The following KCNIP1 variants were observed in gnomAD, a reference collection of about 807,000 sequenced individuals.
KCNIP1 encodes A-type potassium channel modulatory protein KCNIP1.
A neutral mutation model predicts 33.0 loss-of-function variants in KCNIP1; 18 were observed. That is an observed-to-expected ratio of 0.55 (90% CI 0.38 to 0.81). The LOEUF is 0.81. Among genes scored for constraint, KCNIP1 ranks in the 30% least tolerant of loss-of-function variants. The pLI is 0.00. For missense variants in KCNIP1, 238 were observed against 271.6 expected (o/e 0.88, Z 0.87); for synonymous variants, 93 against 98.3 (o/e 0.95, Z 0.32).
At chr5:170,525,849 G>A (rs575052764) in intron 1 of KCNIP1, among the ~76,000 whole-genome samples, 11 of 152,292 alleles carry the variant, frequency 7.2e-5, no homozygotes, top group East Asian at 3.9e-4. Flanking sequence ...GTGTTAGTTC[G>A]GGTCATGTTA....
intron 1 of KCNIP1, among the ~76,000 whole-genome samples, chr5:170,682,784 C>CTGTTTTTTTT (rs1762396220): frequency 1.4e-5 from 1 of 71,404 alleles, no homozygotes; most frequent in Non-Finnish European, 2.4e-5. Context: ...TTCTTTGTTT[C>CTGTTTTTTTT]TTTTTTTTTT....
chr5:170,382,914 A>G lies in KCNIP1; in HGVS notation c.88+28950A>G, dbSNP rs556267168. The G allele has an allele frequency of 3.2e-4, 49 of 152,822 alleles. No individual in the cohort carries two copies. The South Asian group carries it at 3.3e-3, about 10-fold the overall frequency. The allele number at this position is 152,822 out of a possible 1,614,324, so 9.5% of individuals were successfully genotyped here. On this transcript the variant is annotated intron_variant, in intron 1 of 7. Transcript: ENST00000377360. ...GAGGTGCTCAATGGCTGTTGAATAA[A>G]TAAATGAGAGGAGGAAAGAAGGAAA...
intron 1 of KCNIP1, among the ~76,000 whole-genome samples, chr5:170,520,795 C>T (rs978394470): frequency 5.3e-5 from 8 of 152,204 alleles, no homozygotes; most frequent in African/African-American, 1.7e-4. Flanking sequence ...TCAACCCAGA[C>T]ACCACTTCCT....
At chr5:170,392,068 C>T (rs1016862558) in intron 1 of KCNIP1, among the ~76,000 whole-genome samples, 61 of 152,176 alleles carry the variant, frequency 4.0e-4, no homozygotes, top group African/African-American at 1.4e-3. Context: ...TAGACGGGGG[C>T]TCGAGTTCCC....
intron 1 of KCNIP1, among the ~76,000 whole-genome samples, chr5:170,706,543 T>C (rs1763262185): frequency 1.3e-5 from 2 of 152,206 alleles, no homozygotes; most frequent in African/African-American, 2.4e-5. Flanking sequence ...AACCATCACT[T>C]AGCAAGTTCC....
chr5:170,429,549 A>G (rs192597076), intron 1 of KCNIP1, among the ~76,000 whole-genome samples: 25 of 152,204 alleles, frequency 1.6e-4, no homozygotes, highest in East Asian at 7.7e-4. Flanking sequence ...CAGGGCTTTT[A>G]GGGTATCCGT....
Position 170,718,848 on chromosome 5 carries a change from G to A in KCNIP1, c.152G>A (p.Arg51Lys). The A allele has an allele frequency of 6.2e-7, 1 of 1,610,540 alleles. No individual in the cohort carries two copies. The highest frequency in any genetic ancestry group is 1.1e-5 in the South Asian group (1 of 90,646). ...QLEAQTNFTK[R>K]ELQVLYRGFK... The stretch of plus-strand genomic sequence containing the variant: ...GAGGCCCAGACCAACTTCACCAAGA[G>A]GGAGCTGCAGGTCCTTTATCGAGGC... The change falls in exon 2 of 8, where the codon AGG becomes AAG. Residue 51 changes from arginine (R) to lysine (K), a missense_variant. Physicochemically the swap from Arg to Lys is conservative, Grantham distance 26 (BLOSUM62 2). Transcript: ENST00000328939.
chr5:170,652,563 T>A (rs1001236003), intron 1 of KCNIP1, among the ~76,000 whole-genome samples: 2 of 151,160 alleles, frequency 1.3e-5, no homozygotes, highest in African/African-American at 4.9e-5. Context: ...AAAAATGACC[T>A]GAAGTCACTG....
intron 1 of KCNIP1, among the ~76,000 whole-genome samples, chr5:170,497,777 C>CCA (rs373958432): frequency 1.3e-5 from 2 of 152,228 alleles, no homozygotes; most frequent in African/African-American, 2.4e-5. Context: ...CCCCGCCTCA[C>CCA]CACACACACA....
At chr5:170,500,477 C>T (rs1447125449), upstream of KCNIP1, among the ~76,000 whole-genome samples, 2 of 151,714 alleles carry the variant, frequency 1.3e-5, no homozygotes, top group African/African-American at 4.9e-5. Flanking sequence ...ATGGGAGGGA[C>T]AACAGGACAA....
At chr5:170,398,010 T>A (rs989409510) in intron 1 of KCNIP1, among the ~76,000 whole-genome samples, 1 of 152,188 alleles carries the variant, frequency 6.6e-6, no homozygotes, top group Non-Finnish European at 1.5e-5. Flanking sequence ...TGAAGTTTTA[T>A]GATGCAGATG....
At chr5:170,656,093 C>T (rs774097125) in intron 1 of KCNIP1, among the ~76,000 whole-genome samples, 7 of 152,160 alleles carry the variant, frequency 4.6e-5, no homozygotes, top group African/African-American at 9.7e-5. Context: ...GAGAGTAGCA[C>T]GGCTCTGAGG....
intron 1 of KCNIP1, among the ~76,000 whole-genome samples, chr5:170,507,851 T>C (rs1004769645): frequency 1.3e-5 from 2 of 152,212 alleles, no homozygotes; most frequent in African/African-American, 2.4e-5. Flanking sequence ...TGTCCTTCTC[T>C]CTGTTTGGGA....
intron 1 of KCNIP1, among the ~76,000 whole-genome samples, chr5:170,445,813 A>C (rs1756100213): frequency 6.6e-6 from 1 of 152,200 alleles, no homozygotes; most frequent in African/African-American, 2.4e-5. Flanking sequence ...CATACTACCG[A>C]GGTTAAAGAA....
chr5:170,586,499 T>C (rs1300419178), intron 1 of KCNIP1, among the ~76,000 whole-genome samples: 5 of 151,484 alleles, frequency 3.3e-5, no homozygotes, highest in African/African-American at 1.2e-4. Context: ...GTTATACAGA[T>C]GTGCTGAAAT....
At chr5:170,423,043 A>ACCACT (rs1348410109) in intron 1 of KCNIP1, among the ~76,000 whole-genome samples, 2 of 152,148 alleles carry the variant, frequency 1.3e-5, no homozygotes, top group East Asian at 3.8e-4. Flanking sequence ...CTATGTTCAC[A>ACCACT]CCACTCCACT....
rs1554088941 is a variant in KCNIP1, at chr5:170,390,517, A to ATATATATATATATATAT, written c.88+36553_88+36554insTATATATATATATATAT. ...GACCCCGTCTCAAAAAAAAAAAACA[A>ATATATATATATATATAT]ATATATATATATATATATATATTTT... On this transcript the variant is annotated intron_variant, in intron 1 of 7. Transcript: ENST00000377360. Among the ~76,000 whole-genome samples, 240 of 74,412 alleles carry ATATATATATATATATAT rather than the reference A, an allele frequency of 3.2e-3. 8 individuals are homozygous for ATATATATATATATATAT. The highest frequency in any genetic ancestry group is 0.014 in the Middle Eastern group (2 of 148). 48.8% of individuals were successfully genotyped at this position (74,412 alleles called of 152,430 possible).
At chr5:170,687,790 C>CA (rs759777366) in intron 1 of KCNIP1, among the ~76,000 whole-genome samples, 5 of 152,208 alleles carry the variant, frequency 3.3e-5, no homozygotes, top group Non-Finnish European at 7.3e-5. Flanking sequence ...TCACTTTTTA[C>CA]ATTTGCAAAA....
chr5:170,433,211 G>C (rs1755783320), intron 1 of KCNIP1, among the ~76,000 whole-genome samples: 1 of 152,180 alleles, frequency 6.6e-6, no homozygotes, highest in Non-Finnish European at 1.5e-5. Flanking sequence ...TTTTGAGATG[G>C]AGTCTCGCTC....
Sources: gnomAD v4.1 joint callset for allele counts (sites outside exome capture counted in the v4.1 genomes callset) on GRCh38, gnomAD v4.1.1 for gene constraint, MANE v1.5 for transcripts, NCBI Gene and HGNC (gene_info 2026-07-23, HGNC 2026-07-21) for gene names.